Variants in NCOA1 observed in about 807,000 individuals in gnomAD.
The protein encoded by NCOA1 is Hin-2 protein.
A neutral mutation model predicts 150.9 loss-of-function variants in NCOA1; 35 were observed. The observed-to-expected ratio is 0.23, with a 90% CI of 0.18 to 0.31. NCOA1 has a LOEUF of 0.31. Ranked by LOEUF, NCOA1 falls within the 10% of genes least tolerant of loss-of-function variation. The pLI is 1.00. For synonymous variants in NCOA1, 590 were observed against 630.0 expected (o/e 0.94, Z 0.95); for missense variants, 1,491 against 1,749.3 (o/e 0.85, Z 2.63).
At chr2:24,567,247 A>T (rs1666552497) in intron 2 of NCOA1, among the ~76,000 whole-genome samples, 2 of 152,242 alleles carry the variant, frequency 1.3e-5, no homozygotes, top group South Asian at 4.1e-4. Context: ...CAATTAGTAG[A>T]TGTATTGTAC....
rs571971601 is a variant in NCOA1 at position 24,623,772 on chromosome 2, C to T, written c.-174-20194C>T. On this transcript the variant is annotated intron_variant, in intron 3 of 22. Coordinates refer to ENST00000348332, the MANE Select transcript of NCOA1 (RefSeq NM_003743.5). The stretch of plus-strand genomic sequence containing the variant: ...CCTGTGTCCTCACATTACCTTTCCT[C>T]TGTGCCTGTGCACTCCTGGTGTCTC... 1.9e-4 allele frequency among the ~76,000 whole-genome samples: 29 copies of T among 152,320 alleles called. 1 individual carries two copies. The Middle Eastern group carries it at 0.014, about 71-fold the overall frequency.
At chr2:24,669,282 C>CT (rs1671579907) in intron 6 of NCOA1, among the ~76,000 whole-genome samples, 1 of 152,164 alleles carries the variant, frequency 6.6e-6, no homozygotes, top group Non-Finnish European at 1.5e-5. Context: ...CTCCTTCCAT[C>CT]TTTTTGGCTC....
chr2:24,563,860 A>G (rs188586608), intron 1 of NCOA1, among the ~76,000 whole-genome samples: 47 of 152,336 alleles, frequency 3.1e-4, no homozygotes, highest in Middle Eastern at 3.4e-3. Flanking sequence ...CCAGTGGCCT[A>G]GGACGGAATA....
At chr2:24,604,513 C>G (rs1668270453) in intron 3 of NCOA1, among the ~76,000 whole-genome samples, 1 of 152,258 alleles carries the variant, frequency 6.6e-6, no homozygotes, top group Non-Finnish European at 1.5e-5. Context: ...TCCATCAGCA[C>G]TTGCTGCTTC....
intron 3 of NCOA1, among the ~76,000 whole-genome samples, chr2:24,639,961 TA>T (rs1670127862): frequency 9.8e-6 from 1 of 101,772 alleles, no homozygotes; most frequent in African/African-American, 4.0e-5. Flanking sequence ...TATATATATA[TA>T]TATATATATT....
In NCOA1 at chr2:24,623,797, C is replaced by T. The variant is rs55666881; in HGVS notation, c.-174-20169C>T. On this transcript the variant is annotated intron_variant, in intron 3 of 22. Coordinates refer to ENST00000348332, the MANE Select transcript of NCOA1 (RefSeq NM_003743.5). ...CTGTGCCTGTGCACTCCTGGTGTCT[C>T]TTCCTCCTCCTATAAGGACACCAGT... Among the ~76,000 whole-genome samples the T allele has an allele frequency of 9.7e-3, 1,472 of 152,316 alleles. 5 individuals carry two copies. The highest frequency in any genetic ancestry group is 0.016 in the Non-Finnish European group (1,064 of 68,024).
chr2:24,768,452 T>G lies in NCOA1; in HGVS notation c.*61T>G. On this transcript the variant is annotated 3_prime_UTR_variant, in exon 23 of 23. Coordinates refer to ENST00000348332, the MANE Select transcript of NCOA1 (RefSeq NM_003743.5). ...CATACAGAGATATACAAATATATTA[T>G]ATATTTTTCTGAGATTTTTGATATC... 1 of 1,211,616 alleles carries G rather than the reference T, an allele frequency of 8.3e-7. No homozygotes were observed. The highest frequency in any genetic ancestry group is 1.1e-6 in the Non-Finnish European group (1 of 940,774). 75.1% of individuals were successfully genotyped at this position (1,211,616 alleles called of 1,614,324 possible).
chr2:24,601,623 T>TG (rs1668122509), intron 3 of NCOA1, among the ~76,000 whole-genome samples: 2 of 151,790 alleles, frequency 1.3e-5, no homozygotes, highest in South Asian at 4.2e-4. Flanking sequence ...TTTTTTTTTT[T>TG]TTTGTTTTCT....
At chr2:24,744,825 A>C (rs1483849650) in intron 19 of NCOA1, among the ~76,000 whole-genome samples, 1 of 152,206 alleles carries the variant, frequency 6.6e-6, no homozygotes, top group African/African-American at 2.4e-5. Flanking sequence ...GGCTGGTTTC[A>C]TATAGAAGAG....
chr2:24,537,873 A>G (rs770759087), intron 1 of NCOA1, among the ~76,000 whole-genome samples: 13 of 152,176 alleles, frequency 8.5e-5, no homozygotes, highest in Non-Finnish European at 1.5e-4. Context: ...TTAAAAAAAG[A>G]AAACTAACAT....
rs1670354410 is a variant in NCOA1 at position 24,644,099 on chromosome 2, A to C, written c.-41A>C. 6.6e-6 allele frequency: 1 copy of C among 152,200 alleles called. No homozygotes were observed. Among genetic ancestry groups the C allele is most frequent in the Non-Finnish European group, 1.5e-5 (1 of 68,022 alleles). The allele number at this position is 152,200 out of a possible 1,614,324, so 9.4% of individuals were successfully genotyped here. A position where few individuals can be genotyped will look rare whatever the true frequency, so the allele number is the denominator to read the frequency against. ...TTGACCATATCTGTTTTGAGGATTC[A>C]TTATGAACAAAGAAGTCTCCCAGGT... is the stretch of plus-strand genomic sequence containing the variant. On this transcript the variant is annotated 5_prime_UTR_variant, in exon 4 of 23. Transcript: ENST00000348332.
chr2:24,647,643 T>C (rs1382867934), intron 4 of NCOA1, among the ~76,000 whole-genome samples: 1 of 151,198 alleles, frequency 6.6e-6, no homozygotes, highest in African/African-American at 2.4e-5. Flanking sequence ...TTAATGCATA[T>C]AAAACATATA....
rs1021839357 is a variant in NCOA1 at position 24,758,121 on chromosome 2, C to G, written c.4030C>G (p.Gln1344Glu). The G allele has an allele frequency of 3.1e-6, 5 of 1,613,952 alleles. No homozygotes were observed. Among genetic ancestry groups the G allele is most frequent in the Middle Eastern group, 3.3e-4 (2 of 6,062 alleles). The change falls in exon 21 of 23, where the codon CAG (glutamine) becomes GAG (glutamate). Residue 1344 changes from glutamine (Q) to glutamate (E), a missense_variant. Physicochemically the swap from Gln to Glu is conservative, Grantham distance 29. Around this residue, in one of 8 missense-constraint regions of NCOA1, gnomAD observed 485 missense variants for 522.8 expected, o/e 0.93. Coordinates refer to ENST00000348332, the MANE Select transcript of NCOA1 (RefSeq NM_003743.5). The stretch of plus-strand genomic sequence containing the variant: ...GGCCCAGATGCAGATGAGCTCTTTG[C>G]AGATGCCAGGAATGAACACTGTGTG... ...MMAQMQMSSL[Q>E]MPGMNTVCPE... is the part of the protein sequence containing the mutation.
At chr2:24,553,832 G>T (rs1665964496) in intron 1 of NCOA1, among the ~76,000 whole-genome samples, 1 of 152,118 alleles carries the variant, frequency 6.6e-6, no homozygotes, top group Non-Finnish European at 1.5e-5. Context: ...TCTTGTTTCT[G>T]GAAGAGTTTT....
chr2:24,694,055 C>T (rs1007738260), intron 10 of NCOA1, among the ~76,000 whole-genome samples: 3 of 152,044 alleles, frequency 2.0e-5, no homozygotes, highest in Non-Finnish European at 4.4e-5. Flanking sequence ...ATTGAGGAAC[C>T]AGAGCTGCAG....
chr2:24,693,382 A>T, intron 10 of NCOA1, 35 bp downstream of exon 10: 1 of 1,539,228 alleles, frequency 6.5e-7, no homozygotes, highest in South Asian at 1.1e-5. Flanking sequence ...TTCCATAGGT[A>T]TTAATAATGT....
chr2:24,701,821 G>A (rs1673177328), intron 11 of NCOA1, among the ~76,000 whole-genome samples: 1 of 152,162 alleles, frequency 6.6e-6, no homozygotes, highest in Admixed American at 6.5e-5. Context: ...GATCAGCCTC[G>A]CCAACATGGC....
At chr2:24,642,950 G>A (rs1157057784) in intron 3 of NCOA1, among the ~76,000 whole-genome samples, 6 of 152,176 alleles carry the variant, frequency 3.9e-5, no homozygotes, top group Admixed American at 3.9e-4. Context: ...GATTGCAGTT[G>A]TCAAGAGTTA....
intron 3 of NCOA1, among the ~76,000 whole-genome samples, chr2:24,637,452 C>G (rs1669988578): frequency 6.6e-6 from 1 of 151,448 alleles, no homozygotes; most frequent in African/African-American, 2.4e-5. Context: ...AAATGTCCAA[C>G]AATGATAGAC....
Sources: gnomAD v4.1 joint callset for allele counts (sites outside exome capture counted in the v4.1 genomes callset) on GRCh38, gnomAD v4.1.1 for gene constraint, gnomAD v4.1.1 regional missense constraint, MANE v1.5 for transcripts, NCBI Gene and HGNC (gene_info 2026-07-23, HGNC 2026-07-21) for gene names.